The following ATG7 variants were observed in gnomAD, a reference collection of about 807,000 sequenced individuals.
ATG7 encodes ubiquitin-like modifier-activating enzyme ATG7.
Under a neutral mutation model 82.4 loss-of-function variants are expected in ATG7, and 70 were observed. The observed-to-expected ratio is 0.85, with a 90% CI of 0.70 to 1.04. ATG7 has a LOEUF of 1.04. Among genes scored for constraint, ATG7 ranks in the 50% least tolerant of loss-of-function variants. ATG7 has a pLI of 0.00. For synonymous variants in ATG7, 287 were observed against 313.0 expected (o/e 0.92, Z 0.88); for missense variants, 792 against 864.3 (o/e 0.92, Z 1.05).
At chr3:11,287,690 T>C (rs1163311454) in intron 3 of ATG7, among the ~76,000 whole-genome samples, 5 of 152,250 alleles carry the variant, frequency 3.3e-5, no homozygotes, top group African/African-American at 1.2e-4. Flanking sequence ...GTGTGAATGT[T>C]TTGAGTAGAC....
At chr3:11,329,634 C>G (rs1951360062) in intron 9 of ATG7, among the ~76,000 whole-genome samples, 3 of 152,214 alleles carry the variant, frequency 2.0e-5, no homozygotes, top group Middle Eastern at 6.8e-3. Context: ...CTTTGTCTTC[C>G]TTTTATTAAA....
At chr3:11,455,586 A>T (rs2085624344) in intron 20 of ATG7, among the ~76,000 whole-genome samples, 1 of 152,226 alleles carries the variant, frequency 6.6e-6, no homozygotes, top group Admixed American at 6.5e-5. Flanking sequence ...AGAACAACTG[A>T]TCGTGAGCTT....
At chr3:11,406,391 A>G (rs888597699) in intron 19 of ATG7, among the ~76,000 whole-genome samples, 9 of 151,974 alleles carry the variant, frequency 5.9e-5, no homozygotes, top group African/African-American at 2.4e-5. Flanking sequence ...GAAGCCTCCA[A>G]TTCCTGGATT....
intron 20 of ATG7, among the ~76,000 whole-genome samples, chr3:11,549,494 C>T (rs1363643611): frequency 2.0e-5 from 3 of 152,174 alleles, no homozygotes; most frequent in African/African-American, 7.2e-5. Context: ...TCGTACCCTT[C>T]GACCCCATTC....
chr3:11,407,029 G>A (rs985315484), intron 19 of ATG7, among the ~76,000 whole-genome samples: 14 of 152,080 alleles, frequency 9.2e-5, no homozygotes, highest in Admixed American at 2.6e-4. Flanking sequence ...CAGCATTAAC[G>A]CAGTAGTCCA....
intron 19 of ATG7, among the ~76,000 whole-genome samples, chr3:11,383,136 GT>G (rs2078043645): frequency 1.3e-5 from 2 of 152,266 alleles, no homozygotes; most frequent in Admixed American, 1.3e-4. Context: ...CAATGTTGTT[GT>G]TTATACCAGT....
intron 9 of ATG7, among the ~76,000 whole-genome samples, chr3:11,322,132 A>T (rs1950298318): frequency 6.6e-6 from 1 of 152,204 alleles, no homozygotes; most frequent in Non-Finnish European, 1.5e-5. Flanking sequence ...TGTTACTGTG[A>T]TTGCTTAATG....
intron 20 of ATG7, among the ~76,000 whole-genome samples, chr3:11,457,537 A>T (rs2085860086): frequency 6.6e-6 from 1 of 152,212 alleles, no homozygotes. Flanking sequence ...TGTACCCAGG[A>T]GTTCAATAAA....
intron 13 of ATG7, among the ~76,000 whole-genome samples, chr3:11,343,369 G>A (rs936783832): frequency 6.6e-6 from 1 of 152,096 alleles, no homozygotes; most frequent in Non-Finnish European, 1.5e-5. Flanking sequence ...GTTTGAATTT[G>A]TGTTTCTTTA....
At chr3:11,558,809 G>A (rs2072677366), downstream of ATG7, 1 of 1,612,372 alleles carries the variant, frequency 6.2e-7, no homozygotes, top group African/African-American at 1.3e-5. Flanking sequence ...CTCCACCACG[G>A]GGTCACAGGT....
At chr3:11,317,571 C>T (rs1232629514) in intron 9 of ATG7, among the ~76,000 whole-genome samples, 5 of 148,562 alleles carry the variant, frequency 3.4e-5, no homozygotes, top group African/African-American at 1.0e-4. Flanking sequence ...AAGCCTATGC[C>T]CTTTCTTTCT....
chr3:11,573,615 C>T, the ATG7 span, among the ~76,000 whole-genome samples: 1 of 152,236 alleles, frequency 6.6e-6, no homozygotes, highest in African/African-American at 2.4e-5. Flanking sequence ...CTGGCCTTGG[C>T]AGCCTATGGA....
intron 11 of ATG7, among the ~76,000 whole-genome samples, chr3:11,337,171 T>A (rs983422261): frequency 2.0e-5 from 3 of 152,158 alleles, no homozygotes; most frequent in African/African-American, 7.2e-5. Context: ...AAATATTTTC[T>A]TGGCCAGGTG....
intron 20 of ATG7, among the ~76,000 whole-genome samples, chr3:11,469,105 G>A (rs1327876142): frequency 2.6e-5 from 4 of 152,248 alleles, no homozygotes; most frequent in Non-Finnish European, 5.9e-5. Context: ...GATGGTTGAA[G>A]AGGGTAGCAG....
intron 19 of ATG7, among the ~76,000 whole-genome samples, chr3:11,419,875 T>G (rs2081775123): frequency 6.6e-6 from 1 of 152,178 alleles, no homozygotes; most frequent in Admixed American, 6.5e-5. Flanking sequence ...AGGAAAATCA[T>G]GGATTATGAA....
chr3:11,527,071 GTATATA>G (rs59492212), intron 20 of ATG7, among the ~76,000 whole-genome samples: 18,355 of 127,254 alleles, frequency 0.14, 1,701 homozygotes, highest in South Asian at 0.33. Flanking sequence ...GTGTGTGTGT[GTATATA>G]TATATATATA....
chr3:11,379,855 C>A, intron 18 of ATG7, 117 bp from the exon 19 acceptor site: 1 of 975,966 alleles, frequency 1.0e-6, no homozygotes, highest in South Asian at 1.4e-5. Context: ...TGCTCATAAT[C>A]TCTTTCCGGG....
intron 1 of ATG7, among the ~76,000 whole-genome samples, chr3:11,278,534 G>A (rs1320880642): frequency 6.6e-6 from 1 of 152,204 alleles, no homozygotes; most frequent in African/African-American, 2.4e-5. Flanking sequence ...CATTGTTTCA[G>A]TCATCAACAA....
chr3:11,481,663 C>T (rs1356600547), intron 20 of ATG7, among the ~76,000 whole-genome samples: 1 of 152,152 alleles, frequency 6.6e-6, no homozygotes, highest in Non-Finnish European at 1.5e-5. Flanking sequence ...ATGTCAGCAC[C>T]ACCACAGTGC....
Sources: allele counts gnomAD v4.1 joint callset (sites outside exome capture counted in the v4.1 genomes callset), GRCh38; gene constraint gnomAD v4.1.1; transcripts MANE v1.5; gene names NCBI Gene and HGNC (gene_info 2026-07-23, HGNC 2026-07-21).